DISC1: variants seen among roughly 807,000 people sequenced by gnomAD.
The protein encoded by DISC1 is disrupted in schizophrenia 1 protein.
Under a neutral mutation model 84.5 loss-of-function variants are expected in DISC1, and 57 were observed. The ratio of observed to expected loss-of-function variants is 0.67; its 90% confidence interval spans 0.55 to 0.84. DISC1 has a LOEUF of 0.84. DISC1 is among the 40% of genes least tolerant of loss of function. The pLI is 0.00. For synonymous variants in DISC1, 411 were observed against 415.2 expected, an observed-to-expected ratio of 0.99 and a Z score of 0.12; for missense variants, 1,000 against 1,057.8, an observed-to-expected ratio of 0.95 and a Z score of 0.76.
intron 9 of DISC1, among the ~76,000 whole-genome samples, chr1:231,902,454 A>C (rs559997309): frequency 4.6e-5 from 7 of 152,240 alleles, no homozygotes; most frequent in African/African-American, 1.7e-4. Context: ...TACAAAAATT[A>C]GCCAGGTGTG....
intron 9 of DISC1, among the ~76,000 whole-genome samples, chr1:231,939,833 C>T (rs1419782906): frequency 6.6e-6 from 1 of 152,072 alleles, no homozygotes; most frequent in African/African-American, 2.4e-5. Context: ...ACCTCCGCCT[C>T]CCAGGTTCAA....
chr1:231,859,961 A>T (rs1461074559), intron 9 of DISC1, among the ~76,000 whole-genome samples: 2 of 152,256 alleles, frequency 1.3e-5, no homozygotes, highest in East Asian at 3.9e-4. Context: ...GTGGGTTCCC[A>T]TGGCAAGGTG....
chr1:231,984,843 A>G (rs1664169293), intron 10 of DISC1, among the ~76,000 whole-genome samples: 1 of 152,164 alleles, frequency 6.6e-6, no homozygotes, highest in Non-Finnish European at 1.5e-5. Context: ...TTAGGGGCCG[A>G]CACAAGTAAG....
At chr1:231,952,550 C>G (rs1189569269) in intron 9 of DISC1, among the ~76,000 whole-genome samples, 1 of 151,974 alleles carries the variant, frequency 6.6e-6, no homozygotes, top group Admixed American at 6.6e-5. Context: ...AAATCAAAAT[C>G]TTTTAGTAAA....
At chr1:231,984,362 T>C (rs371051006) in intron 10 of DISC1, among the ~76,000 whole-genome samples, 5 of 152,136 alleles carry the variant, frequency 3.3e-5, no homozygotes, top group Non-Finnish European at 5.9e-5. Context: ...ATTTTGAGTA[T>C]AGTTTGATGG....
intron 11 of DISC1, among the ~76,000 whole-genome samples, chr1:232,022,304 C>T (rs1198600981): frequency 6.6e-6 from 1 of 150,516 alleles, no homozygotes; most frequent in African/African-American, 2.5e-5. Context: ...AGCTGATACC[C>T]ATGGTTCTTT....
chr1:231,755,799 C>T (rs541854600), intron 4 of DISC1, among the ~76,000 whole-genome samples: 7 of 152,318 alleles, frequency 4.6e-5, no homozygotes, highest in African/African-American at 1.4e-4. Flanking sequence ...GTTGTGTCCA[C>T]TGTCTGTCTC....
chr1:231,966,882 T>C (rs919306658), intron 10 of DISC1, among the ~76,000 whole-genome samples: 2 of 152,222 alleles, frequency 1.3e-5, no homozygotes, highest in South Asian at 2.1e-4. Context: ...ATCACACTTT[T>C]ATCATCAGAA....
chr1:231,702,063 G>T, intron 3 of DISC1, 39 bp downstream of exon 3: 3 of 1,588,730 alleles, frequency 1.9e-6, no homozygotes, highest in African/African-American at 2.7e-5. Flanking sequence ...TTGTCATCAT[G>T]TCCCAATTTT....
Position 231,767,197 on chromosome 1 carries a change from C to T in DISC1, c.1326C>T (p.Pro442=). Residue 442 remains proline (P), a synonymous_variant, in exon 5 of 13, where the codon CCC becomes CCT. Transcript: ENST00000439617. Reference sequence around the variant, plus strand: ...GAATGGAGCCGAGGCTGTTGGAACCCACTGCTCAGGACAGCTTGCACGTGT... The same window carrying T: ...GAATGGAGCCGAGGCTGTTGGAACCTACTGCTCAGGACAGCTTGCACGTGT... ...PLRMEPRLLE[P]TAQDSLHVSI... 2.5e-6 allele frequency: 4 copies of T among 1,614,242 alleles called. No homozygotes were observed. The South Asian group carries it at 3.3e-5, about 13-fold the overall frequency.
At chr1:231,662,470 G>T (rs1194687750) in intron 1 of DISC1, among the ~76,000 whole-genome samples, 1 of 152,226 alleles carries the variant, frequency 6.6e-6, no homozygotes, top group Non-Finnish European at 1.5e-5. Context: ...CCACAGGGAG[G>T]TCCCTCCCAG....
intron 9 of DISC1, among the ~76,000 whole-genome samples, chr1:231,876,161 C>T (rs1172610864): frequency 6.6e-6 from 1 of 152,160 alleles, no homozygotes; most frequent in Non-Finnish European, 1.5e-5. Flanking sequence ...GTGGTTGGAT[C>T]ATGAGGGTGG....
intron 1 of DISC1, among the ~76,000 whole-genome samples, chr1:231,662,843 C>T (rs537508877): frequency 7.2e-5 from 11 of 152,028 alleles, no homozygotes; most frequent in African/African-American, 2.7e-4. Context: ...AAATGTGCCT[C>T]TGTAAAAAAA....
At chr1:231,871,450 G>A (rs1015100) in intron 9 of DISC1, among the ~76,000 whole-genome samples, 74,236 of 151,910 alleles carry the variant, frequency 0.49, 18,297 homozygotes, top group African/African-American at 0.53. Flanking sequence ...ACAGCCACAC[G>A]CTCTTCTGCC....
At chr1:232,008,533 G>T (rs1160153393) in intron 10 of DISC1, among the ~76,000 whole-genome samples, 1 of 152,190 alleles carries the variant, frequency 6.6e-6, no homozygotes, top group Non-Finnish European at 1.5e-5. Flanking sequence ...GCTGAGTCTG[G>T]AAAAATACAT....
At chr1:231,957,923 C>G (rs1004670668) in intron 9 of DISC1, among the ~76,000 whole-genome samples, 1 of 152,208 alleles carries the variant, frequency 6.6e-6, no homozygotes, top group Non-Finnish European at 1.5e-5. Context: ...TCCACATTCT[C>G]CAACTTTAGA....
intron 9 of DISC1, among the ~76,000 whole-genome samples, chr1:231,876,229 G>A (rs1346546586): frequency 6.6e-6 from 1 of 152,166 alleles, no homozygotes; most frequent in Non-Finnish European, 1.5e-5. Context: ...ACGATAGTGA[G>A]TTCTCATGAG....
intron 1 of DISC1, among the ~76,000 whole-genome samples, chr1:231,641,714 T>G (rs961429599): frequency 2.6e-5 from 4 of 152,238 alleles, no homozygotes; most frequent in African/African-American, 7.2e-5. Context: ...ATCCCTGAGC[T>G]AGACACAAAT....
At chr1:231,929,221 C>T (rs1402212676) in intron 9 of DISC1, among the ~76,000 whole-genome samples, 2 of 152,100 alleles carry the variant, frequency 1.3e-5, no homozygotes, top group African/African-American at 4.8e-5. Flanking sequence ...TAAGAACTTG[C>T]TTTATGAATC....
Sources: gnomAD v4.1 joint callset for allele counts (sites outside exome capture counted in the v4.1 genomes callset) on GRCh38, gnomAD v4.1.1 for gene constraint, MANE v1.5 for transcripts, NCBI Gene and HGNC (gene_info 2026-07-23, HGNC 2026-07-21) for gene names.